TMEM184A: variants seen among roughly 807,000 people sequenced by gnomAD.
TMEM184A encodes the protein transmembrane protein 184A.
Under a neutral mutation model 39.5 loss-of-function variants are expected in TMEM184A, and 40 were observed. That is an observed-to-expected ratio of 1.01 (90% CI 0.79 to 1.32). The LOEUF (loss-of-function observed/expected upper bound fraction) is 1.32, where lower values mean the gene tolerates loss of function less well. Among genes scored for constraint, TMEM184A ranks in the 40% most tolerant of loss-of-function variants. TMEM184A has a pLI of 0.00. For synonymous variants in TMEM184A, 280 were observed against 252.3 expected, an observed-to-expected ratio of 1.11 and a Z score of -1.04; for missense variants, 603 against 568.8, an observed-to-expected ratio of 1.06 and a Z score of -0.61.
At position 1,543,030 on chromosome 7, in the gene TMEM184A, T is replaced by G. The variant is rs947845324; in HGVS notation, c.*3922A>C. The G allele has an allele frequency of 6.6e-6, 1 of 152,654 alleles. No individual in the cohort carries two copies. The highest frequency in any genetic ancestry group is 2.4e-5 in the African/African-American group (1 of 41,450). The allele number at this position is 152,654 out of a possible 1,614,324, so 9.5% of individuals were successfully genotyped here. On this transcript the variant is annotated 3_prime_UTR_variant, in exon 9 of 9. Coordinates refer to ENST00000297477, the MANE Select transcript of TMEM184A (RefSeq NM_001097620.2). ...CTTTTGTACCTTTGCAATAAAGAAT[T>G]TTCTGGTTTCAGACCCTTTCGTTGC...
chr7:1,547,212 T>TC (rs781426594), intron 8 of TMEM184A, 31 bp from the exon 9 acceptor site: 39 of 1,305,002 alleles, frequency 3.0e-5, no homozygotes, highest in Admixed American at 1.3e-4. Flanking sequence ...AGCCCCACCA[T>TC]CCCCCCTGCA....
intron 2 of TMEM184A, among the ~76,000 whole-genome samples, chr7:1,552,050 C>T (rs1393476095): frequency 2.0e-5 from 3 of 152,046 alleles, no homozygotes; most frequent in Non-Finnish European, 4.4e-5. Context: ...ACAATCATGG[C>T]TCACTGCAGC....
rs369236502 is a variant in TMEM184A, at chr7:1,550,128, T to C, written c.547A>G (p.Lys183Glu). ...TYSIGFLRFC[K>E]QATLQFCLVK... ...AGGGCTGGGTGGCCCCTCACCTGCT[T>C]ACAGAAGCGCAGGAACCCGATGGAG... The change falls in exon 5 of 9, where the codon AAG becomes GAG. Residue 183 changes from lysine to glutamate, a missense_variant. Transcript: ENST00000297477. 21 of 1,603,732 alleles carry C rather than the reference T, an allele frequency of 1.3e-5. No homozygotes were observed. In the African/African-American group the frequency reaches 2.5e-4, roughly 19 times the overall value.
In TMEM184A at chr7:1,550,858, T is replaced by A; in HGVS notation, c.344A>T (p.Gln115Leu). ...CACAGAGTCGAAGTAGACGTAGTAC[T>A]GGTGGTCTCCGAGGAGGAGGAGGCT... ...WLSLLLLGDHQYYVYFDSVRD... is the reference protein window; with the variant it reads ...WLSLLLLGDHLYYVYFDSVRD... The change falls in exon 3 of 9, where the codon CAG becomes CTG. Residue 115 changes from glutamine to leucine, a missense_variant. Gln to Leu is a moderately radical substitution (Grantham distance 113). Coordinates refer to ENST00000297477, the MANE Select transcript of TMEM184A (RefSeq NM_001097620.2). The A allele has an allele frequency of 6.2e-7, 1 of 1,613,548 alleles. No individual in the cohort carries two copies. Among genetic ancestry groups the A allele is most frequent in the African/African-American group, 1.3e-5 (1 of 75,032 alleles).
At chr7:1,551,516 A>G (rs939733917) in intron 2 of TMEM184A, among the ~76,000 whole-genome samples, 40 of 152,366 alleles carry the variant, frequency 2.6e-4, no homozygotes, top group African/African-American at 9.1e-4. Flanking sequence ...GAGAAAATAA[A>G]TTGTTTGCCT....
At chr7:1,549,498 G>A (rs1784496738) in intron 6 of TMEM184A, 2 of 480,274 alleles carry the variant, frequency 4.2e-6, no homozygotes, top group African/African-American at 2.0e-5. Context: ...TGCCTGGCCA[G>A]AAGCCCTGGG....
Position 1,543,594 on chromosome 7 carries a change from G to C in TMEM184A, c.*3358C>G, listed in dbSNP as rs1784255729. ...TTTGGGGCTGAGCTGACCGAGGTGT[G>C]AACGCTGTTCAGTGCTGGACCACGC... is the stretch of plus-strand genomic sequence containing the variant. On this transcript the variant is annotated 3_prime_UTR_variant, in exon 9 of 9. Coordinates refer to ENST00000297477, the MANE Select transcript of TMEM184A (RefSeq NM_001097620.2). The C allele has an allele frequency of 6.6e-6, 1 of 152,292 alleles. No individual in the cohort carries two copies. Among genetic ancestry groups the C allele is most frequent in the African/African-American group, 2.4e-5 (1 of 41,444 alleles). 9.4% of individuals were successfully genotyped at this position (152,292 alleles called of 1,614,324 possible).
chr7:1,545,210 G>C lies in TMEM184A; in HGVS notation c.*1742C>G, dbSNP rs559639117. 1.3e-5 allele frequency: 2 copies of C among 152,394 alleles called. No individual in the cohort carries two copies. Among genetic ancestry groups the C allele is most frequent in the East Asian group, 3.9e-4 (2 of 5,162 alleles). 9.4% of individuals were successfully genotyped at this position (152,394 alleles called of 1,614,324 possible). A position where few individuals can be genotyped will look rare whatever the true frequency, so the allele number is the denominator to read the frequency against. On this transcript the variant is annotated 3_prime_UTR_variant, in exon 9 of 9. Transcript: ENST00000297477. ...AGTGAGACACGGGGGCCGCCTGGTG[G>C]GTCTATTCCTGTGGGGATCCAATAA...
rs1784287777 is a variant in TMEM184A at position 1,544,656 on chromosome 7, C to T, written c.*2296G>A. ...AGCGGGCTCGGCCCTCAGGGCTTTC[C>T]TTCGAGTCGTGTTGGAAAGAAGCAG... On this transcript the variant is annotated 3_prime_UTR_variant, in exon 9 of 9. Transcript: ENST00000297477. 1 of 152,290 alleles carries T rather than the reference C, an allele frequency of 6.6e-6. No individual in the cohort carries two copies. Among genetic ancestry groups the T allele is most frequent in the African/African-American group, 2.4e-5 (1 of 41,462 alleles). 9.4% of individuals were successfully genotyped at this position (152,290 alleles called of 1,614,324 possible). A position where few individuals can be genotyped will look rare whatever the true frequency, so the allele number is the denominator to read the frequency against.
rs202136739 is a variant in TMEM184A, at chr7:1,547,869, C to A, written c.885G>T (p.Leu295=). ...PEVETSGGNK[L]GAGTLAAGYQ... ...AGCCGGCGGCCAGCGTGCCAGCCCC[C>A]AGCTTGTTCCCGCCGCTGGTCTCCA... The change falls in exon 8 of 9, where the codon CTG becomes CTT. Residue 295 remains leucine, a synonymous_variant. Coordinates refer to ENST00000297477, the MANE Select transcript of TMEM184A (RefSeq NM_001097620.2). The A allele has an allele frequency of 2.1e-4, 336 of 1,603,186 alleles. No homozygotes were observed. The highest frequency in any genetic ancestry group is 2.8e-4 in the Non-Finnish European group (325 of 1,175,426).
Position 1,548,161 on chromosome 7 carries a change from C to T in TMEM184A, c.815-222G>A, listed in dbSNP as rs11983657. Among the ~76,000 whole-genome samples the T allele has an allele frequency of 5.1e-3, 774 of 152,326 alleles. 10 individuals carry two copies. Among genetic ancestry groups the T allele is most frequent in the African/African-American group, 0.017 (707 of 41,578 alleles). The stretch of plus-strand genomic sequence containing the variant: ...GCTCTCCCGGGCCCGCCCTGCCACT[C>T]CAGCCCCAGATCCTGGGCCCGTGCC... On this transcript the variant is annotated intron_variant, in intron 7 of 8. Coordinates refer to ENST00000297477, the MANE Select transcript of TMEM184A (RefSeq NM_001097620.2).
intron 3 of TMEM184A, 138 bp from the exon 4 acceptor site, chr7:1,550,533 C>T: frequency 1.3e-6 from 1 of 773,426 alleles, no homozygotes; most frequent in Non-Finnish European, 2.0e-6. Context: ...TCCTGATGGA[C>T]CCCATCCCCA....
chr7:1,547,685 C>T (rs576178976), intron 8 of TMEM184A, 57 bp downstream of exon 8: 32 of 1,532,320 alleles, frequency 2.1e-5, no homozygotes, highest in African/African-American at 1.5e-4. Flanking sequence ...GACACAGACA[C>T]GGTGCCCGGG....
At chr7:1,551,948 A>T (rs887792881) in intron 2 of TMEM184A, among the ~76,000 whole-genome samples, 16 of 151,700 alleles carry the variant, frequency 1.1e-4, no homozygotes, top group Admixed American at 2.6e-4. Context: ...AAAAAAAAAA[A>T]ATATTTTTTT....
At chr7:1,556,005 C>G in intron 1 of TMEM184A, 109 bp downstream of exon 1, 1 of 200,498 alleles carries the variant, frequency 5.0e-6, no homozygotes, top group South Asian at 7.9e-5. Context: ...GGTGCCTGTT[C>G]CATCTCCCAC....
chr7:1,549,981 G>T, intron 5 of TMEM184A, 36 bp from the exon 6 acceptor site: 3 of 1,607,972 alleles, frequency 1.9e-6, no homozygotes, highest in Non-Finnish European at 2.6e-6. Context: ...CTGGGGCCAG[G>T]TCCCCCAGGG....
At chr7:1,549,033 G>GGAC in intron 6 of TMEM184A, 1 of 521,820 alleles carries the variant, frequency 1.9e-6, no homozygotes, top group South Asian at 1.5e-5. Flanking sequence ...GCCACTGCCT[G>GGAC]AAGATCCTCT....
At chr7:1,552,001 C>T (rs1252767602) in intron 2 of TMEM184A, among the ~76,000 whole-genome samples, 1 of 151,424 alleles carries the variant, frequency 6.6e-6, no homozygotes, top group Non-Finnish European at 1.5e-5. Flanking sequence ...TTTTTTGAGA[C>T]AGGGTCTCGC....
Position 1,547,959 on chromosome 7 carries a change from T to C in TMEM184A, c.815-20A>G. The C allele has an allele frequency of 6.5e-7, 1 of 1,550,052 alleles. No individual in the cohort carries two copies. Among genetic ancestry groups the C allele is most frequent in the Non-Finnish European group, 8.7e-7 (1 of 1,149,182 alleles). ...GCAGCCCTGCGGACGCCACGGCCGC[T>C]CAGCCCCAGCCCCAGACGGGGTCTG... On this transcript the variant is annotated intron_variant, in intron 7 of 8. Transcript: ENST00000297477.
Sources: gnomAD v4.1 joint callset for allele counts (sites outside exome capture counted in the v4.1 genomes callset) on GRCh38, gnomAD v4.1.1 for gene constraint, MANE v1.5 for transcripts, NCBI Gene and HGNC (gene_info 2026-07-23, HGNC 2026-07-21) for gene names.